The following PRDM14 variants were observed in gnomAD, a reference collection of about 807,000 sequenced individuals.
PRDM14 encodes PR domain zinc finger protein 14.
A neutral mutation model predicts 48.0 loss-of-function variants in PRDM14; 16 were observed. The ratio of observed to expected loss-of-function variants is 0.33; its 90% CI spans 0.23 to 0.51. The LOEUF (loss-of-function observed/expected upper bound fraction) is 0.51. PRDM14 is among the 20% of genes least tolerant of loss of function. The probability of loss-of-function intolerance (pLI) is 0.97; values close to 1 mark genes in which losing one functional copy is unlikely to be tolerated. For missense variants in PRDM14, 566 were observed against 719.6 expected, an observed-to-expected ratio of 0.79 and a Z score of 2.44; for synonymous variants, 264 against 276.6, an observed-to-expected ratio of 0.95 and a Z score of 0.45.
At chr8:70,056,302 G>C (rs189043792) in intron 6 of PRDM14, among the ~76,000 whole-genome samples, 1 of 152,138 alleles carries the variant, frequency 6.6e-6, no homozygotes, top group Non-Finnish European at 1.5e-5. Context: ...TGCAAGCACC[G>C]AGAGTTTGCC....
chr8:70,067,209 A>G (rs1035871997), intron 4 of PRDM14, among the ~76,000 whole-genome samples: 5 of 152,230 alleles, frequency 3.3e-5, no homozygotes, highest in African/African-American at 1.2e-4. Context: ...TTTCATGCAT[A>G]TTAATGGAGC....
At chr8:70,061,681 A>G (rs1280374976) in intron 5 of PRDM14, among the ~76,000 whole-genome samples, 1 of 152,218 alleles carries the variant, frequency 6.6e-6, no homozygotes, top group African/African-American at 2.4e-5. Flanking sequence ...GCACTAAAGC[A>G]CACCAAAATT....
At chr8:70,055,475 T>A in intron 6 of PRDM14, 74 bp from the exon 7 acceptor site, 1 of 848,776 alleles carries the variant, frequency 1.2e-6, no homozygotes, top group South Asian at 1.4e-5. Context: ...TGCGTTTACC[T>A]GGGGTTAGAG....
intron 6 of PRDM14, among the ~76,000 whole-genome samples, chr8:70,056,809 A>ACT (rs1165506667): frequency 8.8e-6 from 1 of 113,328 alleles, no homozygotes; most frequent in Non-Finnish European, 1.7e-5. Context: ...ACAGAGTGAG[A>ACT]CTGTCTCAAA....
chr8:70,056,816 CAA>C (rs761330044), intron 6 of PRDM14, among the ~76,000 whole-genome samples: 12 of 75,382 alleles, frequency 1.6e-4, no homozygotes, highest in African/African-American at 1.0e-4. Context: ...GAGACTGTCT[CAA>C]AAAAAAAAAA....
At position 70,069,849 on chromosome 8, in the gene PRDM14, G is replaced by A. The variant is rs766590694; in HGVS notation, c.12C>T (p.Pro4=). 9 of 1,600,242 alleles carry A rather than the reference G, an allele frequency of 5.6e-6. No individual in the cohort carries two copies. The Admixed American group carries it at 6.8e-5, about 12-fold the overall frequency. ...CCTGAGGCACGGCCTCACTTGGCCG[G>A]GGTAGAGCCATCCCGGGACCGCACG... is the stretch of plus-strand genomic sequence containing the variant. MAL[P]RPSEAVPQDK... is the part of the protein sequence containing the mutation. The change falls in exon 2 of 8, where the codon CCC becomes CCT. Residue 4 remains proline (P), a synonymous_variant. Transcript: ENST00000276594.
chr8:70,066,494 A>G lies in PRDM14; in HGVS notation c.924T>C (p.Asp308=). 6.2e-7 allele frequency: 1 copy of G among 1,612,728 alleles called. No homozygotes were observed. ...CATCTATAAAGTGGCTCAAATGACC[A>G]TCTTCAAAGATCTAAATGAAATAAG... ...DNSVMWEIFE[D]GHLSHFIDGK... The change falls in exon 5 of 8, where the codon GAT becomes GAC. Residue 308 remains aspartate (D), a synonymous_variant. Transcript: ENST00000276594.
rs1419320797 is a variant in PRDM14 at position 70,062,730 on chromosome 8, C to T, written c.1183+3505G>A. On this transcript the variant is annotated intron_variant, in intron 5 of 7. Coordinates refer to ENST00000276594, the MANE Select transcript of PRDM14 (RefSeq NM_024504.4). ...ATCTGCCTGCCTCGGCCTCCCAAAG[C>T]GCTGGGATTACAGGCATGAGCCACC... Among the ~76,000 whole-genome samples the T allele has an allele frequency of 2.6e-5, 4 of 152,042 alleles. No individual in the cohort carries two copies. In the East Asian group the frequency reaches 5.8e-4, roughly 22 times the overall value.
intron 6 of PRDM14, 106 bp from the exon 7 acceptor site, chr8:70,055,507 T>TTA: frequency 1.7e-6 from 1 of 586,172 alleles, no homozygotes. Flanking sequence ...TCCAATTTTT[T>TTA]TCTTTTTTTT....
chr8:70,068,916 G>A (rs1805716355), intron 2 of PRDM14, among the ~76,000 whole-genome samples: 1 of 152,204 alleles, frequency 6.6e-6, no homozygotes, highest in Non-Finnish European at 1.5e-5. Flanking sequence ...ACCTACCTGG[G>A]AGTTCGCTGC....
rs562813892 is a variant in PRDM14 at position 70,069,405 on chromosome 8, C to T, written c.456G>A (p.Pro152=). 3 of 1,606,638 alleles carry T rather than the reference C, an allele frequency of 1.9e-6. No individual in the cohort carries two copies. The highest frequency in any genetic ancestry group is 2.2e-5 in the South Asian group (2 of 89,788). The part of the protein sequence containing the change: ...PCCGPDTLIP[P]PPADASLLPE... Reference sequence around the variant, plus strand: ...GTAACAGAGAAGCATCCGCAGGGGGCGGTGGAATTAAAGTGTCAGGTCCAC... The same window carrying T: ...GTAACAGAGAAGCATCCGCAGGGGGTGGTGGAATTAAAGTGTCAGGTCCAC... The change falls in exon 2 of 8, where the codon CCG becomes CCA. Residue 152 remains proline, a synonymous_variant. Transcript: ENST00000276594.
chr8:70,058,496 A>G (rs768925005), intron 6 of PRDM14, 144 bp downstream of exon 6: 15 of 681,976 alleles, frequency 2.2e-5, no homozygotes, highest in African/African-American at 2.0e-4. Flanking sequence ...CTGTTCCGTA[A>G]TACTATCCTC....
At chr8:70,068,589 T>C in intron 2 of PRDM14, 57 bp from the exon 3 acceptor site, 1 of 1,418,754 alleles carries the variant, frequency 7.0e-7, no homozygotes, top group South Asian at 1.2e-5. Flanking sequence ...AAAGTGCTTT[T>C]ATGAGGTGTT....
At chr8:70,068,176 C>T (rs767222250) in intron 4 of PRDM14, 54 bp downstream of exon 4, 55 of 1,602,562 alleles carry the variant, frequency 3.4e-5, no homozygotes, top group Non-Finnish European at 4.2e-5. Context: ...AAGATTTCCC[C>T]GGACTAGTCT....
intron 6 of PRDM14, among the ~76,000 whole-genome samples, chr8:70,056,547 T>C (rs1805474933): frequency 6.6e-6 from 1 of 152,018 alleles, no homozygotes; most frequent in African/African-American, 2.4e-5. Flanking sequence ...AGTAGCATGA[T>C]CTCGGCCCAC....
intron 5 of PRDM14, among the ~76,000 whole-genome samples, chr8:70,059,709 C>T (rs183580939): frequency 3.5e-4 from 54 of 152,322 alleles, no homozygotes; most frequent in African/African-American, 1.3e-3. Context: ...ATTTATATCA[C>T]CGCTCGCCAT....
chr8:70,055,560 C>T (rs1805459470), intron 6 of PRDM14, among the ~76,000 whole-genome samples, 159 bp from the exon 7 acceptor site: 1 of 150,902 alleles, frequency 6.6e-6, no homozygotes, highest in Non-Finnish European at 1.5e-5. Context: ...GACTGGACTG[C>T]AGTGGCACAA....
chr8:70,061,491 C>A (rs1043523759), intron 5 of PRDM14, among the ~76,000 whole-genome samples: 1 of 152,188 alleles, frequency 6.6e-6, no homozygotes, highest in Non-Finnish European at 1.5e-5. Context: ...CTGCCAGCCC[C>A]AAGCTGATCC....
intron 5 of PRDM14, among the ~76,000 whole-genome samples, chr8:70,064,416 C>T (rs1220227407): frequency 6.6e-6 from 1 of 151,918 alleles, no homozygotes; most frequent in Non-Finnish European, 1.5e-5. Flanking sequence ...TCCTCTCAGT[C>T]AGTACGCACT....
Sources: gnomAD v4.1 joint callset for allele counts (sites outside exome capture counted in the v4.1 genomes callset) on GRCh38, gnomAD v4.1.1 for gene constraint, MANE v1.5 for transcripts, NCBI Gene and HGNC (gene_info 2026-07-23, HGNC 2026-07-21) for gene names.